Variants in ASTN2 observed in about 807,000 individuals in gnomAD.
ASTN2 encodes astrotactin-2.
In ASTN2, 54 loss-of-function variants were observed where a neutral mutation model predicts 139.8. The observed-to-expected ratio is 0.39, with a 90% CI of 0.31 to 0.48. The LOEUF is 0.48. ASTN2 is among the 20% of genes least tolerant of loss of function. ASTN2 has a pLI of 0.95. For missense variants in ASTN2, 1,565 were observed against 1,725.1 expected (o/e 0.91, Z 1.64); for synonymous variants, 756 against 719.5 (o/e 1.05, Z -0.81).
chr9:116,840,721 G>GCTCCTCACA (rs1262732790), intron 11 of ASTN2, among the ~76,000 whole-genome samples: 1 of 139,668 alleles, frequency 7.2e-6, no homozygotes, highest in African/African-American at 2.6e-5. Flanking sequence ...GGGCAGAGAC[G>GCTCCTCACA]CTCCTCACAT....
chr9:116,674,333 G>A, intron 16 of ASTN2, among the ~76,000 whole-genome samples: 1 of 152,204 alleles, frequency 6.6e-6, no homozygotes, highest in East Asian at 1.9e-4. Context: ...AGAGGCTACA[G>A]GGCCAGGCCA....
At chr9:117,015,141 G>T (rs1837638592) in intron 6 of ASTN2, among the ~76,000 whole-genome samples, 1 of 152,024 alleles carries the variant, frequency 6.6e-6, no homozygotes, top group Non-Finnish European at 1.5e-5. Context: ...CTCCCAGGTA[G>T]CTAGGACTAC....
At chr9:116,823,616 C>T (rs1831545387) in intron 11 of ASTN2, among the ~76,000 whole-genome samples, 1 of 152,198 alleles carries the variant, frequency 6.6e-6, no homozygotes, top group Non-Finnish European at 1.5e-5. Flanking sequence ...GCTTGGTGTT[C>T]TCTGTCCACT....
intron 11 of ASTN2, among the ~76,000 whole-genome samples, chr9:116,827,087 A>G (rs1219751898): frequency 6.6e-6 from 1 of 152,070 alleles, no homozygotes; most frequent in Non-Finnish European, 1.5e-5. Flanking sequence ...AGGTGGGCGG[A>G]TCACCTAAGG....
In ASTN2 at chr9:116,425,533, T is replaced by C. The variant is rs556681134; in HGVS notation, c.*318A>G. 653 of 1,600,630 alleles carry C rather than the reference T, an allele frequency of 4.1e-4. 9 individuals carry two copies. The South Asian group carries it at 6.3e-3, about 16-fold the overall frequency. ...AAGAAGGAAGAAGAGCAAAGGCCGC[T>C]TGGTCTCCACCTGAAAACTTCTGCC... On this transcript the variant is annotated 3_prime_UTR_variant, in exon 23 of 23. Coordinates refer to ENST00000313400, the MANE Select transcript of ASTN2 (RefSeq NM_001365068.1).
chr9:117,193,366 G>A (rs754568331), intron 3 of ASTN2, among the ~76,000 whole-genome samples: 5 of 152,134 alleles, frequency 3.3e-5, no homozygotes, highest in South Asian at 2.1e-4. Flanking sequence ...CTGGCTGGGC[G>A]TGGTGGCTCA....
intron 2 of ASTN2, among the ~76,000 whole-genome samples, chr9:117,264,777 C>T (rs532293797): frequency 1.4e-4 from 22 of 152,238 alleles, no homozygotes; most frequent in African/African-American, 5.3e-4. Flanking sequence ...TTTTTGTTTG[C>T]TTGTTTGCTT....
intron 1 of ASTN2, among the ~76,000 whole-genome samples, chr9:117,371,577 C>A (rs936748248): frequency 3.3e-5 from 5 of 152,116 alleles, no homozygotes; most frequent in Non-Finnish European, 7.4e-5. Flanking sequence ...AGTTGTGTGA[C>A]CTTCAGCAAG....
intron 1 of ASTN2, among the ~76,000 whole-genome samples, chr9:117,359,805 G>A (rs1356714904): frequency 2.0e-5 from 3 of 152,166 alleles, no homozygotes; most frequent in Non-Finnish European, 4.4e-5. Context: ...CTCAGCTGTG[G>A]TGTGAGCCTG....
intron 2 of ASTN2, among the ~76,000 whole-genome samples, chr9:117,279,433 A>G (rs191410242): frequency 6.6e-6 from 1 of 152,338 alleles, no homozygotes; most frequent in Non-Finnish European, 1.5e-5. Context: ...ACATTTGTAT[A>G]GAGTTTGCAT....
At chr9:116,790,072 C>T (rs1392723563) in intron 13 of ASTN2, among the ~76,000 whole-genome samples, 1 of 151,772 alleles carries the variant, frequency 6.6e-6, no homozygotes, top group Admixed American at 6.6e-5. Flanking sequence ...ATTACAGGCA[C>T]TCACAACCAC....
intron 10 of ASTN2, among the ~76,000 whole-genome samples, chr9:116,912,655 C>T (rs1295136738): frequency 2.6e-5 from 4 of 152,104 alleles, no homozygotes; most frequent in Non-Finnish European, 2.9e-5. Context: ...GCTGCCCTTT[C>T]GTTATTTTCT....
At chr9:116,791,003 GA>G (rs1257899891) in intron 13 of ASTN2, among the ~76,000 whole-genome samples, 1 of 121,712 alleles carries the variant, frequency 8.2e-6, no homozygotes, top group Admixed American at 8.7e-5. Flanking sequence ...AAGAAAGAAA[GA>G]AAGAAAGAAA....
chr9:117,338,610 C>T (rs1417742391), intron 1 of ASTN2, among the ~76,000 whole-genome samples: 1 of 152,098 alleles, frequency 6.6e-6, no homozygotes, highest in Non-Finnish European at 1.5e-5. Context: ...TCATATAAGA[C>T]AAAATAGGGG....
At chr9:117,409,418 G>A (rs1479717925) in intron 1 of ASTN2, among the ~76,000 whole-genome samples, 1 of 152,110 alleles carries the variant, frequency 6.6e-6, no homozygotes, top group African/African-American at 2.4e-5. Context: ...CAAGGAAGTG[G>A]GTCCATTCTT....
intron 19 of ASTN2, among the ~76,000 whole-genome samples, chr9:116,534,237 T>C (rs1190485839): frequency 6.6e-6 from 1 of 152,200 alleles, no homozygotes; most frequent in Non-Finnish European, 1.5e-5. Flanking sequence ...TTGCGTCTAT[T>C]AGATTCTTCT....
rs1831562400 is a variant in ASTN2, at chr9:116,824,232, C to T, written c.2041-3449G>A. 2.0e-5 allele frequency among the ~76,000 whole-genome samples: 3 copies of T among 152,314 alleles called. No homozygotes were observed. The South Asian group carries it at 6.2e-4, about 32-fold the overall frequency. ...GGTAGCCAGCTTCAAAGATGGTCCC[C>T]AGTGATTCCTGCCTTCTGGTATTAA... is the stretch of plus-strand genomic sequence containing the variant. On this transcript the variant is annotated intron_variant, in intron 11 of 22. Transcript: ENST00000313400.
chr9:116,948,799 T>TTTG (rs1554764217), intron 10 of ASTN2, among the ~76,000 whole-genome samples: 1 of 127,072 alleles, frequency 7.9e-6, no homozygotes, highest in Non-Finnish European at 1.6e-5. Flanking sequence ...TTTTTTTTTT[T>TTTG]TTTTTTTTTT....
At chr9:117,310,651 A>G (rs540836080) in intron 1 of ASTN2, among the ~76,000 whole-genome samples, 2 of 152,100 alleles carry the variant, frequency 1.3e-5, no homozygotes, top group Admixed American at 1.3e-4. Flanking sequence ...GTTTTTTGAG[A>G]TAGCGTCTCC....
Sources: allele counts gnomAD v4.1 joint callset (sites outside exome capture counted in the v4.1 genomes callset), GRCh38; gene constraint gnomAD v4.1.1; transcripts MANE v1.5; gene names NCBI Gene and HGNC (gene_info 2026-07-23, HGNC 2026-07-21).